COL4A6: variants seen among roughly 807,000 people sequenced by gnomAD.
The protein encoded by COL4A6 is collagen alpha-6(IV) chain.
Under a neutral mutation model 126.7 loss-of-function variants are expected in COL4A6, and 59 were observed. The ratio of observed to expected loss-of-function variants is 0.47; its 90% CI spans 0.38 to 0.58. The LOEUF is 0.58. COL4A6 is among the 20% of genes least tolerant of loss of function. The pLI, the probability that COL4A6 is intolerant of heterozygous loss-of-function variation, is 0.00. For synonymous variants in COL4A6, 547 were observed against 496.6 expected, an observed-to-expected ratio of 1.10 and a Z score of -1.35; for missense variants, 1,285 against 1,337.3, an observed-to-expected ratio of 0.96 and a Z score of 0.61.
chrX:108,167,446 C>T (rs982423240), intron 37 of COL4A6, among the ~76,000 whole-genome samples: 2 of 111,244 alleles, frequency 1.8e-5, no homozygotes, highest in African/African-American at 6.6e-5. Context: ...AAGCAATCCT[C>T]CCACCTCAGC....
chrX:108,176,984 C>T lies in COL4A6; in HGVS notation c.2543G>A (p.Gly848Asp). The T allele has an allele frequency of 8.3e-7, 1 of 1,211,052 alleles. No homozygotes were observed. The highest frequency in any genetic ancestry group is 1.7e-5 in the African/African-American group (1 of 57,863). ...AATTGATCCAGGAGGACCTTTCTTG[C>T]CTCTTGTTCCTTTCTTTCCAGGATG... is the stretch of plus-strand genomic sequence containing the variant. The part of the protein sequence containing the change: ...SGHPGKKGTR[G>D]KKGPPGSIVK... The change falls in exon 28 of 45, where the codon GGC becomes GAC. Residue 848 changes from glycine (G) to aspartate (D), a missense_variant. Gly to Asp is a moderately conservative substitution (Grantham distance 94). Transcript: ENST00000334504.
chrX:108,173,329 A>G (rs2034374885), intron 31 of COL4A6, among the ~76,000 whole-genome samples: 2 of 112,162 alleles, frequency 1.8e-5, no homozygotes, highest in Non-Finnish European at 3.8e-5. Flanking sequence ...GCACATTGCC[A>G]TATCTTCTAA....
intron 16 of COL4A6, among the ~76,000 whole-genome samples, chrX:108,194,091 G>A (rs1409968932): frequency 2.7e-5 from 3 of 112,490 alleles, no homozygotes. Context: ...ATGATGTCAG[G>A]CAGAGGAAAT....
chrX:108,351,258 A>T (rs1603141348), intron 2 of COL4A6, among the ~76,000 whole-genome samples: 1 of 111,667 alleles, frequency 9.0e-6, no homozygotes, highest in East Asian at 2.8e-4. Context: ...ACAAATGCTA[A>T]CAGTGGCTAT....
intron 3 of COL4A6, among the ~76,000 whole-genome samples, chrX:108,283,061 T>C (rs1004804767): frequency 9.6e-6 from 1 of 103,807 alleles, no homozygotes; most frequent in African/African-American, 3.5e-5. Context: ...GACGAGTTAA[T>C]GGGTGCAGCA....
rs1158432876 is a variant in COL4A6, at chrX:108,175,171, G to A, written c.2875C>T (p.Arg959Cys). Residue 959 changes from arginine to cysteine, a missense_variant, in exon 30 of 45, where the codon CGT (arginine) becomes TGT (cysteine). Arg to Cys is a radical substitution (Grantham distance 180, BLOSUM62 -3). Coordinates refer to ENST00000334504, the MANE Select transcript of COL4A6 (RefSeq NM_033641.4). ...TTGAGCCAAAGGTTTGACATTGGAC[G>A]TCTTGGACTAGGTATTCCGACTGGC... ...PGPVGIPSPR[R>C]PMSNLWLKGD... 5.8e-6 allele frequency: 7 copies of A among 1,202,241 alleles called. No individual in the cohort carries two copies. Among genetic ancestry groups the A allele is most frequent in the African/African-American group, 1.7e-5 (1 of 57,292 alleles).
intron 2 of COL4A6, among the ~76,000 whole-genome samples, chrX:108,437,684 A>G (rs2064292796): frequency 9.0e-6 from 1 of 111,428 alleles, no homozygotes; most frequent in African/African-American, 3.3e-5. Context: ...AGGCTCAGAA[A>G]TGTGTGCATC....
chrX:108,253,994 G>C (rs1297628217), intron 3 of COL4A6, among the ~76,000 whole-genome samples: 8 of 111,693 alleles, frequency 7.2e-5, no homozygotes, highest in Non-Finnish European at 1.5e-4. Context: ...AACTTTTATT[G>C]ATGAAAATCT....
At chrX:108,368,829 A>G (rs1198004971) in intron 2 of COL4A6, among the ~76,000 whole-genome samples, 1 of 111,418 alleles carries the variant, frequency 9.0e-6, no homozygotes. Context: ...AGGATCATCA[A>G]CATCACTTTC....
At chrX:108,351,502 A>G (rs2039847338) in intron 2 of COL4A6, among the ~76,000 whole-genome samples, 1 of 102,608 alleles carries the variant, frequency 9.7e-6, no homozygotes, top group Non-Finnish European at 2.0e-5. Context: ...GTGTATATCT[A>G]TGTGTATGTT....
chrX:108,285,489 G>T (rs773534177), intron 3 of COL4A6, among the ~76,000 whole-genome samples: 9 of 111,519 alleles, frequency 8.1e-5, no homozygotes, highest in Non-Finnish European at 1.7e-4. Context: ...ATGTCTGAGC[G>T]GAGGGTTGTT....
intron 2 of COL4A6, among the ~76,000 whole-genome samples, chrX:108,322,375 T>A (rs886823183): frequency 7.1e-5 from 8 of 112,062 alleles, no homozygotes; most frequent in Non-Finnish European, 1.5e-4. Flanking sequence ...ACCTATACTT[T>A]ATTTTAAGGA....
intron 2 of COL4A6, among the ~76,000 whole-genome samples, chrX:108,425,733 A>AACACACAC (rs752707988): frequency 3.3e-5 from 3 of 90,588 alleles, no homozygotes; most frequent in Non-Finnish European, 6.8e-5. Context: ...CACACACACA[A>AACACACAC]ACACACACAC....
In COL4A6 at chrX:108,290,097, T is replaced by C. The variant is rs193244326; in HGVS notation, c.144+20651A>G. ...CTCTATAATTGTTTTACAATGTTTC[T>C]AAAGGATCTTGAAATTCTCAGAAGA... On this transcript the variant is annotated intron_variant, in intron 3 of 44. Coordinates refer to ENST00000334504, the MANE Select transcript of COL4A6 (RefSeq NM_033641.4). 4.3e-3 allele frequency among the ~76,000 whole-genome samples: 481 copies of C among 112,426 alleles called. 7 individuals are homozygous for C. Among genetic ancestry groups the C allele is most frequent in the Admixed American group, 0.041 (436 of 10,604 alleles).
chrX:108,280,664 T>C (rs2037784594), intron 3 of COL4A6, among the ~76,000 whole-genome samples: 1 of 111,683 alleles, frequency 9.0e-6, no homozygotes, highest in Admixed American at 9.5e-5. Context: ...ATCATCCTGA[T>C]ACCAAAGCCG....
intron 2 of COL4A6, among the ~76,000 whole-genome samples, chrX:108,335,641 A>G (rs918419639): frequency 7.2e-5 from 8 of 111,488 alleles, no homozygotes; most frequent in African/African-American, 1.6e-4. Context: ...ATACACATAC[A>G]TACATGCACA....
At position 108,210,023 on chromosome X, in the gene COL4A6, A is replaced by T; in HGVS notation, c.511-19T>A. 8.3e-7 allele frequency: 1 copy of T among 1,203,167 alleles called. No homozygotes were observed. Among genetic ancestry groups the T allele is most frequent in the South Asian group, 1.8e-5 (1 of 55,504 alleles). On this transcript the variant is annotated intron_variant, in intron 7 of 44. Transcript: ENST00000334504. ...GATCCCCCTGAGAAACAAAGGCAGG[A>T]CACTGAAGAGTTTAATAAATTAAGC...
chrX:108,164,457 A>G, intron 40 of COL4A6, 143 bp downstream of exon 40: 2 of 540,916 alleles, frequency 3.7e-6, no homozygotes, highest in Non-Finnish European at 6.2e-6. Context: ...AAGGTAGAGA[A>G]ACTGCCTCTC....
At chrX:108,340,958 A>G (rs756183060) in intron 2 of COL4A6, among the ~76,000 whole-genome samples, 7 of 110,517 alleles carry the variant, frequency 6.3e-5, no homozygotes, top group African/African-American at 2.3e-4. Context: ...GCACTCTCAT[A>G]TTTGTGTTTG....
Sources: allele counts gnomAD v4.1 joint callset (sites outside exome capture counted in the v4.1 genomes callset), GRCh38; gene constraint gnomAD v4.1.1; transcripts MANE v1.5; gene names NCBI Gene and HGNC (gene_info 2026-07-23, HGNC 2026-07-21).